Variants in GCLM observed in about 807,000 individuals in gnomAD.
GCLM encodes glutamate--cysteine ligase regulatory subunit.
Under a neutral mutation model 36.0 loss-of-function variants are expected in GCLM, and 15 were observed. The observed-to-expected ratio is 0.42, with a 90% CI of 0.28 to 0.64. The LOEUF (loss-of-function observed/expected upper bound fraction) is 0.64. GCLM is among the 30% of genes least tolerant of loss of function. The pLI is 0.25. For missense variants in GCLM, 242 were observed against 325.5 expected (o/e 0.74, Z 1.97); for synonymous variants, 129 against 122.8 (o/e 1.05, Z -0.34).
At chr1:93,893,910 G>C (rs1656624404) in intron 6 of GCLM, among the ~76,000 whole-genome samples, 1 of 152,168 alleles carries the variant, frequency 6.6e-6, no homozygotes, top group Admixed American at 6.5e-5. Context: ...TGCTTATTAA[G>C]TTTTGAATTA....
At chr1:93,889,800 GA>G (rs1656465116) in intron 6 of GCLM, among the ~76,000 whole-genome samples, 1 of 151,346 alleles carries the variant, frequency 6.6e-6, no homozygotes, top group Non-Finnish European at 1.5e-5. Flanking sequence ...ATATTACATA[GA>G]TATCATAATT....
Position 93,885,514 on chromosome 1 carries a change from T to A in GCLM, c.*3476A>T, listed in dbSNP as rs1289300824. 6.6e-6 allele frequency: 1 copy of A among 152,174 alleles called. No homozygotes were observed. The allele number at this position is 152,174 out of a possible 1,614,324, so 9.4% of individuals were successfully genotyped here. On this transcript the variant is annotated 3_prime_UTR_variant, in exon 7 of 7. Transcript: ENST00000370238. ...GAAAACTATAAAAATATTAAAGTCA[T>A]GTTACATATTTTTCAAAAATAAAAC...
chr1:93,899,847 A>G (rs1445625558), intron 3 of GCLM, among the ~76,000 whole-genome samples: 4 of 152,158 alleles, frequency 2.6e-5, no homozygotes, highest in Non-Finnish European at 4.4e-5. Context: ...GGTTTCATTC[A>G]AATTCAACTT....
Position 93,887,309 on chromosome 1 carries a change from A to T in GCLM, c.*1681T>A, listed in dbSNP as rs1423785391. 2 of 151,892 alleles carry T rather than the reference A, an allele frequency of 1.3e-5. No homozygotes were observed. Among genetic ancestry groups the T allele is most frequent in the East Asian group, 3.9e-4 (2 of 5,140 alleles). The allele number at this position is 151,892 out of a possible 1,614,324, so 9.4% of individuals were successfully genotyped here. ...CCCGGGCAGATTTCACATAATTTTA[A>T]TGATCAAATTACCCAATCAGTAAAC... is the stretch of plus-strand genomic sequence containing the variant. On this transcript the variant is annotated 3_prime_UTR_variant, in exon 7 of 7. Transcript: ENST00000370238.
chr1:93,903,830 C>T (rs182243500), intron 2 of GCLM, among the ~76,000 whole-genome samples: 3 of 152,082 alleles, frequency 2.0e-5, no homozygotes, highest in Admixed American at 6.5e-5. Context: ...TTTCACAGCA[C>T]GTATCAGGGG....
chr1:93,889,392 T>C (rs10874809), intron 6 of GCLM, among the ~76,000 whole-genome samples: 67,557 of 151,916 alleles, frequency 0.44, 16,893 homozygotes, highest in African/African-American at 0.68. Context: ...TTCTTAACTT[T>C]TGGTGAGTGG....
chr1:93,902,241 G>A (rs990207012), intron 2 of GCLM, among the ~76,000 whole-genome samples: 30 of 148,202 alleles, frequency 2.0e-4, no homozygotes, highest in East Asian at 1.2e-3. Flanking sequence ...GCAGTGGCAC[G>A]ATCTCGGCTC....
rs1359132703 is a variant in GCLM, at chr1:93,886,216, T to A, written c.*2774A>T. On this transcript the variant is annotated 3_prime_UTR_variant, in exon 7 of 7. Coordinates refer to ENST00000370238, the MANE Select transcript of GCLM (RefSeq NM_002061.4). Reference sequence around the variant, plus strand: ...CATGTAATAAACAAGCTACAGCTTTTTTTTTCATATTTACTGGAAAAAAAA... The same window carrying A: ...CATGTAATAAACAAGCTACAGCTTTATTTTTCATATTTACTGGAAAAAAAA... 6.6e-6 allele frequency: 1 copy of A among 151,944 alleles called. No homozygotes were observed. The highest frequency in any genetic ancestry group is 1.5e-5 in the Non-Finnish European group (1 of 67,942). The allele number at this position is 151,944 out of a possible 1,614,324, so 9.4% of individuals were successfully genotyped here. A position where few individuals can be genotyped will look rare whatever the true frequency, so the allele number is the denominator to read the frequency against.
At position 93,889,099 on chromosome 1, in the gene GCLM, G is replaced by A. The variant is rs761296185; in HGVS notation, c.716C>T (p.Ala239Val). ...TAGCCACAGCGGCACCCACTCGTGC[G>A]CTTGAATGTCAGGAATGCTTTCCTG... ...ALQESIPDIQ[A>V]HEWVPLWLLR... is the part of the protein sequence containing the mutation. The change falls in exon 7 of 7, where the codon GCG becomes GTG. Residue 239 changes from alanine (A) to valine (V), a missense_variant. Transcript: ENST00000370238. The A allele has an allele frequency of 2.2e-5, 36 of 1,601,084 alleles. 1 individual carries two copies. Among genetic ancestry groups the A allele is most frequent in the Middle Eastern group, 1.7e-4 (1 of 6,054 alleles).
chr1:93,903,675 G>T (rs891733796), intron 2 of GCLM, among the ~76,000 whole-genome samples: 1 of 152,102 alleles, frequency 6.6e-6, no homozygotes. Context: ...GCAGAAAAAA[G>T]CAAAGGCTAT....
chr1:93,896,936 T>TA, intron 4 of GCLM, 116 bp from the exon 5 acceptor site: 1 of 651,548 alleles, frequency 1.5e-6, no homozygotes, highest in Non-Finnish European at 2.7e-6. Flanking sequence ...GTTTTCAAAA[T>TA]AACAGATTAT....
At chr1:93,891,802 A>G (rs780410390) in intron 6 of GCLM, among the ~76,000 whole-genome samples, 3 of 152,226 alleles carry the variant, frequency 2.0e-5, no homozygotes, top group Non-Finnish European at 4.4e-5. Flanking sequence ...ATACCTGAAT[A>G]GCATTAACAG....
intron 6 of GCLM, among the ~76,000 whole-genome samples, chr1:93,892,481 G>A (rs1656573187): frequency 6.6e-6 from 1 of 152,016 alleles, no homozygotes; most frequent in African/African-American, 2.4e-5. Flanking sequence ...AATTATGGTT[G>A]AACTCTTTAG....
In GCLM at chr1:93,897,497, T is replaced by C. The variant is rs560927994; in HGVS notation, c.337+342A>G. Among the ~76,000 whole-genome samples, 4 of 152,140 alleles carry C rather than the reference T, an allele frequency of 2.6e-5. No individual in the cohort carries two copies. In the South Asian group the frequency reaches 8.3e-4, roughly 31 times the overall value. ...CAATAACCTAAGTGCTAAAAACAGA[T>C]ATACTTGGATTTTTTTTGGATTTTT... On this transcript the variant is annotated intron_variant, in intron 4 of 6. Transcript: ENST00000370238.
rs1220422700 is a variant in GCLM, at chr1:93,897,034, G to A, written c.338-214C>T. ...CCTACTTGCTCTGTGTGGCAGACAA[G>A]TGGGTTTCTCTGACCTGCCTTATTC... On this transcript the variant is annotated intron_variant, in intron 4 of 6. Transcript: ENST00000370238. Among the ~76,000 whole-genome samples the A allele has an allele frequency of 2.6e-5, 4 of 152,320 alleles. No homozygotes were observed. In the South Asian group the frequency reaches 6.2e-4, roughly 24 times the overall value.
At chr1:93,905,519 C>A (rs1657115267) in intron 1 of GCLM, among the ~76,000 whole-genome samples, 1 of 152,146 alleles carries the variant, frequency 6.6e-6, no homozygotes, top group East Asian at 1.9e-4. Context: ...ACATATCTTG[C>A]AGAACTCAAC....
At position 93,909,240 on chromosome 1, in the gene GCLM, CGGTG is replaced by C; in HGVS notation, c.-81_-78del. On this transcript the variant is annotated 5_prime_UTR_variant, in exon 1 of 7. Transcript: ENST00000370238. ...AGGCAGGCGGCCGCCCCACAGGACG[CGGTG>C]CCCGAGGCCCGAGAGAGACCCGAGA... The C allele has an allele frequency of 9.0e-7, 1 of 1,107,506 alleles. No individual in the cohort carries two copies. Among genetic ancestry groups the C allele is most frequent in the South Asian group, 4.4e-5 (1 of 22,934 alleles). 68.6% of individuals were successfully genotyped at this position (1,107,506 alleles called of 1,614,324 possible). A position where few individuals can be genotyped will look rare whatever the true frequency, so the allele number is the denominator to read the frequency against.
chr1:93,889,924 T>A (rs903497512), intron 6 of GCLM, among the ~76,000 whole-genome samples: 13 of 150,960 alleles, frequency 8.6e-5, no homozygotes, highest in African/African-American at 2.7e-4. Flanking sequence ...ATATATATTT[T>A]TTTTTGAGAT....
At chr1:93,896,569 G>A (rs899427361) in intron 5 of GCLM, 49 bp downstream of exon 5, 1 of 1,473,558 alleles carries the variant, frequency 6.8e-7, no homozygotes, top group Non-Finnish European at 9.5e-7. Flanking sequence ...AGCAAAGACT[G>A]AAAAGGGCAA....
Sources: gnomAD v4.1 joint callset for allele counts (sites outside exome capture counted in the v4.1 genomes callset) on GRCh38, gnomAD v4.1.1 for gene constraint, MANE v1.5 for transcripts, NCBI Gene and HGNC (gene_info 2026-07-23, HGNC 2026-07-21) for gene names.